The following TIGAR variants were observed in gnomAD, a reference collection of about 807,000 sequenced individuals.
TIGAR encodes fructose-2,6-bisphosphatase TIGAR.
TIGAR carries 7 observed loss-of-function variants against 17.9 expected under a neutral mutation model. That is an observed-to-expected ratio of 0.39 (90% CI 0.22 to 0.73). The LOEUF is 0.73. TIGAR is among the 30% of genes least tolerant of loss of function. TIGAR has a pLI of 0.42. For missense variants in TIGAR, 258 were observed against 327.4 expected (o/e 0.79, Z 1.64); for synonymous variants, 94 against 108.6 (o/e 0.87, Z 0.84).
chr12:4,336,064 G>A (rs1864654961), intron 2 of TIGAR, among the ~76,000 whole-genome samples: 1 of 152,162 alleles, frequency 6.6e-6, no homozygotes. Context: ...AAGTCTTGAT[G>A]GGTGGCTTTG....
chr12:4,351,682 C>T (rs186436729), intron 5 of TIGAR, among the ~76,000 whole-genome samples: 6 of 152,086 alleles, frequency 3.9e-5, no homozygotes, highest in Admixed American at 2.0e-4. Context: ...GCAAGTCACT[C>T]GAGGTGAAAT....
At position 4,357,913 on chromosome 12, in the gene TIGAR, C is replaced by T. The variant is rs776956292; in HGVS notation, c.*5222C>T. Reference sequence around the variant, plus strand: ...GGTCAGGAGATAGAGACCATCCTGGCTAACACAGTGAAACCTCGTCTCCAC... The same window carrying T: ...GGTCAGGAGATAGAGACCATCCTGGTTAACACAGTGAAACCTCGTCTCCAC... On this transcript the variant is annotated 3_prime_UTR_variant, in exon 6 of 6. Transcript: ENST00000179259. Among the ~76,000 whole-genome samples the T allele has an allele frequency of 3.5e-4, 53 of 150,950 alleles. No individual in the cohort carries two copies. Among genetic ancestry groups the T allele is most frequent in the Non-Finnish European group, 5.9e-4 (40 of 67,806 alleles).
chr12:4,326,772 A>G (rs1037132576), intron 1 of TIGAR, among the ~76,000 whole-genome samples: 5 of 152,202 alleles, frequency 3.3e-5, no homozygotes, highest in Non-Finnish European at 5.9e-5. Context: ...ATCTACTTTG[A>G]TTAAATAAAA....
chr12:4,343,497 A>G (rs1336062798), intron 3 of TIGAR, among the ~76,000 whole-genome samples: 3 of 152,242 alleles, frequency 2.0e-5, no homozygotes, highest in South Asian at 4.1e-4. Context: ...AGCATTCCTC[A>G]GCAAATGCAA....
In TIGAR at chr12:4,358,339, G is replaced by C. The variant is rs1196010722; in HGVS notation, c.*5648G>C. Among the ~76,000 whole-genome samples the C allele has an allele frequency of 6.6e-6, 1 of 151,352 alleles. No individual in the cohort carries two copies. The highest frequency in any genetic ancestry group is 6.6e-5 in the Admixed American group (1 of 15,224). On this transcript the variant is annotated 3_prime_UTR_variant, in exon 6 of 6. Coordinates refer to ENST00000179259, the MANE Select transcript of TIGAR (RefSeq NM_020375.3). The stretch of plus-strand genomic sequence containing the variant: ...ATCACTGAGCTACTGTATCCTCATA[G>C]AGAATAATTACAGTAATGTGTATGT...
chr12:4,327,692 G>GC (rs1864561093), intron 1 of TIGAR, among the ~76,000 whole-genome samples: 1 of 152,186 alleles, frequency 6.6e-6, no homozygotes, highest in African/African-American at 2.4e-5. Flanking sequence ...CCACTGTCTA[G>GC]CGAGGATGTT....
chr12:4,346,674 C>T (rs1339247141), intron 3 of TIGAR, among the ~76,000 whole-genome samples: 1 of 152,028 alleles, frequency 6.6e-6, no homozygotes, highest in Non-Finnish European at 1.5e-5. Context: ...TTAATGGATG[C>T]AGCACACCAA....
intron 5 of TIGAR, 123 bp from the exon 6 acceptor site, chr12:4,352,137 T>C: frequency 1.4e-6 from 1 of 712,712 alleles, no homozygotes; most frequent in Non-Finnish European, 2.3e-6. Context: ...ATTGATATTC[T>C]TCTGCTTGTG....
In TIGAR at chr12:4,352,456, T is replaced by C; in HGVS notation, c.578T>C (p.Val193Ala). Residue 193 changes from valine (V) to alanine (A), a missense_variant, in exon 6 of 6, where the codon GTC (valine) becomes GCC (alanine). Coordinates refer to ENST00000179259, the MANE Select transcript of TIGAR (RefSeq NM_020375.3). ...DSGIPGLAAS[V>A]LVVSHGAYMR... ...GGTATTCCAGGATTAGCAGCCAGTG[T>C]CTTAGTTGTGAGTCACGGTGCTTAC... 6.2e-7 allele frequency: 1 copy of C among 1,614,208 alleles called. No homozygotes were observed. The highest frequency in any genetic ancestry group is 2.2e-5 in the East Asian group (1 of 44,864).
At chr12:4,336,120 A>G (rs1864655317) in intron 2 of TIGAR, among the ~76,000 whole-genome samples, 1 of 152,164 alleles carries the variant, frequency 6.6e-6, no homozygotes, top group Non-Finnish European at 1.5e-5. Flanking sequence ...TTGGCTAAAC[A>G]ATTATTTGTT....
intron 3 of TIGAR, among the ~76,000 whole-genome samples, chr12:4,345,244 C>A (rs1315904760): frequency 2.0e-5 from 3 of 152,048 alleles, no homozygotes; most frequent in Admixed American, 6.6e-5. Context: ...TCTTCACAGA[C>A]TTGGAAAAAA....
chr12:4,325,184 C>G (rs1864530618), intron 1 of TIGAR, among the ~76,000 whole-genome samples: 1 of 151,890 alleles, frequency 6.6e-6, no homozygotes, highest in African/African-American at 2.4e-5. Context: ...TCTGGTGATC[C>G]GCCTGCCTCG....
In TIGAR at chr12:4,321,789, A is replaced by G. The variant is rs1591657372; in HGVS notation, c.32+486A>G. On this transcript the variant is annotated intron_variant, in intron 1 of 5. Transcript: ENST00000179259. This position sits in a 1 kb window ranked among gnomAD's most constrained non-coding sequence, Gnocchi z 5.2. ...GGCAGTCAGCCCCCCAGGCACATAT[A>G]TGAGACTTCTTTCTTTTCCCCAGAG... Among the ~76,000 whole-genome samples the G allele has an allele frequency of 6.6e-6, 1 of 152,098 alleles. No homozygotes were observed. Among genetic ancestry groups the G allele is most frequent in the Non-Finnish European group, 1.5e-5 (1 of 68,020 alleles).
At chr12:4,330,355 A>G (rs1308439110) in intron 1 of TIGAR, among the ~76,000 whole-genome samples, 1 of 152,220 alleles carries the variant, frequency 6.6e-6, no homozygotes, top group African/African-American at 2.4e-5. Flanking sequence ...AATCTTGTTG[A>G]GGGTGGTACA....
intron 3 of TIGAR, among the ~76,000 whole-genome samples, chr12:4,341,560 G>A (rs1864722497): frequency 6.6e-6 from 1 of 152,204 alleles, no homozygotes; most frequent in African/African-American, 2.4e-5. Context: ...GAGCGATCAG[G>A]CAGCAACATT....
chr12:4,322,436 G>C (rs1864491447), intron 1 of TIGAR, among the ~76,000 whole-genome samples: 1 of 152,142 alleles, frequency 6.6e-6, no homozygotes, highest in South Asian at 2.1e-4. Flanking sequence ...ATTAAATGGG[G>C]GACAGGTAAA....
At chr12:4,331,189 G>C (rs1864599960) in intron 1 of TIGAR, 91 bp from the exon 2 acceptor site, 6 of 1,076,070 alleles carry the variant, frequency 5.6e-6, no homozygotes, top group Non-Finnish European at 8.6e-6. Context: ...GATATTTTTA[G>C]AGTATCACCA....
intron 1 of TIGAR, among the ~76,000 whole-genome samples, chr12:4,329,049 T>A (rs535412479): frequency 6.6e-5 from 10 of 152,306 alleles, no homozygotes; most frequent in African/African-American, 2.4e-4. Flanking sequence ...CAGATCCAGA[T>A]GTTTATTTCC....
In TIGAR at chr12:4,356,539, C is replaced by T. The variant is rs1207393141; in HGVS notation, c.*3848C>T. Among the ~76,000 whole-genome samples the T allele has an allele frequency of 6.6e-6, 1 of 152,124 alleles. No individual in the cohort carries two copies. Among genetic ancestry groups the T allele is most frequent in the African/African-American group, 2.4e-5 (1 of 41,418 alleles). On this transcript the variant is annotated 3_prime_UTR_variant, in exon 6 of 6. Coordinates refer to ENST00000179259, the MANE Select transcript of TIGAR (RefSeq NM_020375.3). ...CTACTATCAACATCCCCCACCAGAC[C>T]AGTGCATCTGTTACCATCGGTGAGC...
Sources: allele counts gnomAD v4.1 joint callset (sites outside exome capture counted in the v4.1 genomes callset), GRCh38; gene constraint gnomAD v4.1.1; non-coding constraint Gnocchi (gnomAD v3.1); transcripts MANE v1.5; gene names NCBI Gene and HGNC (gene_info 2026-07-23, HGNC 2026-07-21).